Variants in PTPRD observed in about 807,000 individuals in gnomAD.
PTPRD encodes the protein receptor-type tyrosine-protein phosphatase delta.
In PTPRD, 34 loss-of-function variants were observed where a neutral mutation model predicts 214.5. The observed-to-expected ratio is 0.16, with a 90% CI of 0.12 to 0.21. The LOEUF is 0.21. Among genes scored for constraint, PTPRD ranks in the 10% least tolerant of loss-of-function variants. The pLI, the probability that PTPRD is intolerant of heterozygous loss-of-function variation, is 1.00. For synonymous variants in PTPRD, 1,128 were observed against 845.7 expected (o/e 1.33, Z -5.79); for missense variants, 2,545 against 2,398.7 (o/e 1.06, Z -1.27).
rs183028209 is a variant in PTPRD, at chr9:10,569,567, T to C, written c.-600+42831A>G. 2.0e-5 allele frequency among the ~76,000 whole-genome samples: 3 copies of C among 151,946 alleles called. No homozygotes were observed. The East Asian group carries it at 5.8e-4, about 29-fold the overall frequency. On this transcript the variant is annotated intron_variant, in intron 2 of 45. Transcript: ENST00000381196. ...TATATATACAGGCTTTTTACCTCCA[T>C]TGAGTAGATACTATACAAATATATT...
At chr9:8,342,337 T>C (rs994249147) in intron 39 of PTPRD, among the ~76,000 whole-genome samples, 8 of 152,090 alleles carry the variant, frequency 5.3e-5, no homozygotes, top group Non-Finnish European at 8.8e-5. Flanking sequence ...AAGATAGTTT[T>C]ATATATTGGT....
chr9:9,783,674 T>C (rs937044301), intron 5 of PTPRD, among the ~76,000 whole-genome samples: 1 of 152,086 alleles, frequency 6.6e-6, no homozygotes, highest in African/African-American at 2.4e-5. Flanking sequence ...CCCCTTGTTG[T>C]CTCCTCTACC....
chr9:10,341,860 T>C (rs568896008), intron 2 of PTPRD, among the ~76,000 whole-genome samples: 155 of 151,274 alleles, frequency 1.0e-3, no homozygotes, highest in Non-Finnish European at 1.8e-3. Flanking sequence ...TTTTATGTAG[T>C]TCCATATGTA....
rs936245846 is a variant in PTPRD at position 9,392,533 on chromosome 9, G to T, written c.-203+4916C>A. On this transcript the variant is annotated intron_variant, in intron 9 of 45. Coordinates refer to ENST00000381196, the MANE Select transcript of PTPRD (RefSeq NM_002839.4). ...CTGCAGATGTGTCCTTGCAAGAATGGGATCCTATGTTAGGTCAAGAGTAGA... is the reference window on the plus strand; with the variant it reads ...CTGCAGATGTGTCCTTGCAAGAATGTGATCCTATGTTAGGTCAAGAGTAGA... Among the ~76,000 whole-genome samples, 4 of 152,040 alleles carry T rather than the reference G, an allele frequency of 2.6e-5. No individual in the cohort carries two copies. The East Asian group carries it at 7.7e-4, about 29-fold the overall frequency.
chr9:9,709,382 T>C (rs1434764662), intron 7 of PTPRD, among the ~76,000 whole-genome samples: 1 of 152,018 alleles, frequency 6.6e-6, no homozygotes, highest in African/African-American at 2.4e-5. Flanking sequence ...ATACCACATG[T>C]GCACTCTTTT....
chr9:9,583,878 C>T (rs942198065), intron 7 of PTPRD, among the ~76,000 whole-genome samples: 1 of 151,996 alleles, frequency 6.6e-6, no homozygotes, highest in African/African-American at 2.4e-5. Flanking sequence ...GCCACTTGTC[C>T]CTTTCTATCT....
intron 9 of PTPRD, among the ~76,000 whole-genome samples, chr9:9,305,740 T>C (rs1180526365): frequency 6.6e-6 from 1 of 152,084 alleles, no homozygotes; most frequent in African/African-American, 2.4e-5. Context: ...GAGAGAAAGA[T>C]AGATGTAGAG....
At chr9:10,396,489 C>G (rs1670503707) in intron 2 of PTPRD, among the ~76,000 whole-genome samples, 1 of 151,938 alleles carries the variant, frequency 6.6e-6, no homozygotes. Context: ...CTTTCTTTTT[C>G]TTCTCCCCCA....
intron 9 of PTPRD, among the ~76,000 whole-genome samples, chr9:9,378,732 G>A (rs201497697): frequency 9.0e-5 from 8 of 88,798 alleles, no homozygotes; most frequent in Admixed American, 2.3e-4. Flanking sequence ...GTTGTATATC[G>A]TTGTTTGAAT....
At chr9:8,409,458 G>C (rs1028945890) in intron 35 of PTPRD, among the ~76,000 whole-genome samples, 2 of 151,690 alleles carry the variant, frequency 1.3e-5, no homozygotes, top group African/African-American at 4.9e-5. Context: ...GGAACAATCT[G>C]TGTAGTACTG....
chr9:10,435,962 TAC>T (rs1290919569), intron 2 of PTPRD, among the ~76,000 whole-genome samples: 1 of 151,786 alleles, frequency 6.6e-6, no homozygotes, highest in Non-Finnish European at 1.5e-5. Flanking sequence ...AAAATGGACA[TAC>T]ACACACAAAT....
chr9:9,738,325 T>C (rs1196754182), intron 6 of PTPRD, among the ~76,000 whole-genome samples: 1 of 152,100 alleles, frequency 6.6e-6, no homozygotes, highest in Non-Finnish European at 1.5e-5. Flanking sequence ...CTCACTGTAG[T>C]TTTAATGTTT....
Position 9,981,018 on chromosome 9 carries a change from C to A in PTPRD, c.-471-42408G>T, listed in dbSNP as rs1163687816. Among the ~76,000 whole-genome samples, 3 of 152,078 alleles carry A rather than the reference C, an allele frequency of 2.0e-5. No individual in the cohort carries two copies. The East Asian group carries it at 5.8e-4, about 29-fold the overall frequency. On this transcript the variant is annotated intron_variant, in intron 4 of 45. Transcript: ENST00000381196. ...TCATTTAACCTGAATATGTTTAGGT[C>A]CAGGATTTCCATTCCAAGATCTATT...
At chr9:10,096,082 T>C (rs1442322366) in intron 3 of PTPRD, among the ~76,000 whole-genome samples, 1 of 151,636 alleles carries the variant, frequency 6.6e-6, no homozygotes, top group Non-Finnish European at 1.5e-5. Flanking sequence ...CATTAGAGTT[T>C]GGATTGACCA....
intron 12 of PTPRD, among the ~76,000 whole-genome samples, chr9:8,702,159 T>G (rs753722825): frequency 2.1e-4 from 32 of 152,148 alleles, no homozygotes; most frequent in Non-Finnish European, 2.4e-4. Flanking sequence ...GTCAGACGGT[T>G]GCTTGGATTT....
Position 10,101,356 on chromosome 9 carries a change from A to G in PTPRD, c.-544-67566T>C, listed in dbSNP as rs140353610. Reference sequence around the variant, plus strand: ...AAAGTCACCCAATTTGCAGAAGCATAAATTGCAATATGACAGTCCTTTCAC... The same window carrying G: ...AAAGTCACCCAATTTGCAGAAGCATGAATTGCAATATGACAGTCCTTTCAC... On this transcript the variant is annotated intron_variant, in intron 3 of 45. Transcript: ENST00000381196. Among the ~76,000 whole-genome samples, 119 of 151,844 alleles carry G rather than the reference A, an allele frequency of 7.8e-4. 2 individuals carry two copies. In the South Asian group the frequency reaches 0.023, roughly 29 times the overall value.
At chr9:8,977,887 T>C (rs998965290) in intron 11 of PTPRD, among the ~76,000 whole-genome samples, 2 of 152,076 alleles carry the variant, frequency 1.3e-5, no homozygotes, top group Non-Finnish European at 2.9e-5. Flanking sequence ...TAGCAGGTCT[T>C]ACAGAGAAAG....
At chr9:8,922,456 A>C (rs2098834395) in intron 11 of PTPRD, among the ~76,000 whole-genome samples, 1 of 152,222 alleles carries the variant, frequency 6.6e-6, no homozygotes. Context: ...ATGAGAATAC[A>C]AAGGTCATCA....
chr9:9,968,635 TG>T (rs1420383054), intron 4 of PTPRD, among the ~76,000 whole-genome samples: 1 of 152,112 alleles, frequency 6.6e-6, no homozygotes, highest in East Asian at 1.9e-4. Context: ...GTAGGCTTCC[TG>T]ATCAAGTTGT....
Sources: allele counts gnomAD v4.1 joint callset (sites outside exome capture counted in the v4.1 genomes callset), GRCh38; gene constraint gnomAD v4.1.1; transcripts MANE v1.5; gene names NCBI Gene and HGNC (gene_info 2026-07-23, HGNC 2026-07-21).